ZFAND5: variants seen among roughly 807,000 people sequenced by gnomAD.
ZFAND5 encodes the protein zinc finger AN1-type containing 5.
In ZFAND5, 4 loss-of-function variants were observed where a neutral mutation model predicts 23.6. The observed-to-expected ratio is 0.17, with a 90% CI of 0.08 to 0.39. ZFAND5 has a LOEUF of 0.39. Ranked by LOEUF, ZFAND5 falls within the 10% of genes least tolerant of loss-of-function variation. ZFAND5 has a pLI of 1.00. For synonymous variants in ZFAND5, 68 were observed against 80.6 expected (o/e 0.84, Z 0.84); for missense variants, 161 against 253.7 (o/e 0.63, Z 2.48).
chr9:72,362,061 T>C (rs1483868838), intron 2 of ZFAND5, among the ~76,000 whole-genome samples: 4 of 152,218 alleles, frequency 2.6e-5, no homozygotes, highest in Non-Finnish European at 5.9e-5. Flanking sequence ...CCCCAAAACA[T>C]TTTATCTTCC....
chr9:72,357,733 G>T (rs1029932949), intron 5 of ZFAND5, among the ~76,000 whole-genome samples: 1 of 151,982 alleles, frequency 6.6e-6, no homozygotes, highest in African/African-American at 2.4e-5. Context: ...AACTATTAAG[G>T]ATTCCACAGG....
At chr9:72,361,252 A>C (rs1047487149) in intron 2 of ZFAND5, among the ~76,000 whole-genome samples, 9 of 152,238 alleles carry the variant, frequency 5.9e-5, no homozygotes, top group African/African-American at 1.9e-4. Context: ...ACACCTGTAC[A>C]TATCTGGGCT....
rs756861847 is a variant in ZFAND5, at chr9:72,360,098, G to A, written c.263+12C>T. The A allele has an allele frequency of 2.5e-6, 4 of 1,601,942 alleles. No homozygotes were observed. Among genetic ancestry groups the A allele is most frequent in the African/African-American group, 1.3e-5 (1 of 74,318 alleles). Reference sequence around the variant, plus strand: ...TGTAATATCATAAAAACTCTGAAACGTTCAATCTTACCTTGATTTTTCAGA... The same window carrying A: ...TGTAATATCATAAAAACTCTGAAACATTCAATCTTACCTTGATTTTTCAGA... On this transcript the variant is annotated intron_variant, in intron 4 of 6. Transcript: ENST00000376962.
rs1841917384 is a variant in ZFAND5, at chr9:72,355,442, G to GTC, written c.*510_*511insGA. On this transcript the variant is annotated 3_prime_UTR_variant, in exon 7 of 7. Transcript: ENST00000376962. Reference sequence around the variant, plus strand: ...CAAATACTGGTTTCACGGGAAAGAAGGTCTGATCCTCTTTATGAGCATTTC... The same window carrying GTC: ...CAAATACTGGTTTCACGGGAAAGAAGTCGTCTGATCCTCTTTATGAGCATTTC... The GTC allele has an allele frequency of 6.6e-6, 1 of 152,638 alleles. No homozygotes were observed. The highest frequency in any genetic ancestry group is 2.4e-5 in the African/African-American group (1 of 41,426). The allele number at this position is 152,638 out of a possible 1,614,324, so 9.5% of individuals were successfully genotyped here. A position where few individuals can be genotyped will look rare whatever the true frequency, so the allele number is the denominator to read the frequency against.
At position 72,359,599 on chromosome 9, in the gene ZFAND5, TTTAAA is replaced by T. The variant is rs954850906; in HGVS notation, c.264-83_264-79del. 12 of 1,310,306 alleles carry T rather than the reference TTTAAA, an allele frequency of 9.2e-6. No individual in the cohort carries two copies. The Admixed American group carries it at 2.1e-4, about 23-fold the overall frequency. The allele number at this position is 1,310,306 out of a possible 1,614,324, so 81.2% of individuals were successfully genotyped here. On this transcript the variant is annotated intron_variant, in intron 4 of 6. Transcript: ENST00000376962. ...ACAATGAATAAGTTGTCAGTTCAACTTTAAATTATAGAATATTTCCAAAATGAGCA... is the reference window on the plus strand; with the variant it reads ...ACAATGAATAAGTTGTCAGTTCAACTTTATAGAATATTTCCAAAATGAGCA...
At position 72,356,897 on chromosome 9, in the gene ZFAND5, A is replaced by C. The variant is rs370997510; in HGVS notation, c.493+34T>G. 34 of 1,609,658 alleles carry C rather than the reference A, an allele frequency of 2.1e-5. No homozygotes were observed. In the African/African-American group the frequency reaches 4.3e-4, roughly 20 times the overall value. On this transcript the variant is annotated intron_variant, in intron 6 of 6. Transcript: ENST00000376962. ...CCAAAAGCTCCTTGTTAACTGCAGA[A>C]GTAAAACATACATTGTCTTGTGTTT...
At chr9:72,356,775 C>T (rs990539579) in intron 6 of ZFAND5, among the ~76,000 whole-genome samples, 156 bp downstream of exon 6, 1 of 151,360 alleles carries the variant, frequency 6.6e-6, no homozygotes, top group African/African-American at 2.4e-5. Flanking sequence ...AACTTCTTTC[C>T]ACCCCAATAC....
In ZFAND5 at chr9:72,360,274, T is replaced by C. The variant is rs1024122806; in HGVS notation, c.152-53A>G. 7 of 1,433,100 alleles carry C rather than the reference T, an allele frequency of 4.9e-6. No individual in the cohort carries two copies. The African/African-American group carries it at 8.6e-5, about 18-fold the overall frequency. 88.8% of individuals were successfully genotyped at this position (1,433,100 alleles called of 1,614,324 possible). On this transcript the variant is annotated intron_variant, in intron 3 of 6. Coordinates refer to ENST00000376962, the MANE Select transcript of ZFAND5 (RefSeq NM_001102420.3). ...CCAATGAACACTACAAAAACTCACT[T>C]AGTATCAAGACGTAGTAATAAATAC...
In ZFAND5 at chr9:72,354,073, A is replaced by C. The variant is rs1841863181; in HGVS notation, c.*1880T>G. The C allele has an allele frequency of 6.6e-6, 1 of 152,132 alleles. No individual in the cohort carries two copies. The highest frequency in any genetic ancestry group is 2.4e-5 in the African/African-American group (1 of 41,398). The allele number at this position is 152,132 out of a possible 1,614,324, so 9.4% of individuals were successfully genotyped here. On this transcript the variant is annotated 3_prime_UTR_variant, in exon 7 of 7. Transcript: ENST00000376962. Reference sequence around the variant, plus strand: ...CTACAGAGACCAAGTCCATGGGTGAATCTCTGTATTAGAGCCAAACCCAAA... The same window carrying C: ...CTACAGAGACCAAGTCCATGGGTGACTCTCTGTATTAGAGCCAAACCCAAA...
chr9:72,364,570 CCGGACGCCGCCATCCGCGGCCT>C, intron 1 of ZFAND5, 104 bp downstream of exon 1: 1 of 1,259,364 alleles, frequency 7.9e-7, no homozygotes, highest in Non-Finnish European at 1.0e-6. Context: ...CTCCCCTCCC[CCGGACGCCGCCATCCGCGGCCT>C]GCTCCGGCTT....
In ZFAND5 at chr9:72,360,235, G is replaced by A; in HGVS notation, c.152-14C>T. On this transcript the variant is annotated splice_polypyrimidine_tract_variant and intron_variant, in intron 3 of 6. Transcript: ENST00000376962. ...CACTAGCTGTTCCTATTTAAAAAAAGGATTTGTAAGGAACCAATGAACACT... is the reference window on the plus strand; with the variant it reads ...CACTAGCTGTTCCTATTTAAAAAAAAGATTTGTAAGGAACCAATGAACACT... The A allele has an allele frequency of 6.3e-7, 1 of 1,598,690 alleles. No homozygotes were observed. The highest frequency in any genetic ancestry group is 8.5e-7 in the Non-Finnish European group (1 of 1,171,106).
At chr9:72,358,951 T>C (rs567050992) in intron 5 of ZFAND5, among the ~76,000 whole-genome samples, 39 of 142,230 alleles carry the variant, frequency 2.7e-4, no homozygotes, top group African/African-American at 9.4e-4. Flanking sequence ...AAAACCAAAA[T>C]GCCTTTCCAC....
intron 4 of ZFAND5, 58 bp from the exon 5 acceptor site, chr9:72,359,579 G>A (rs1173101258): frequency 6.9e-7 from 1 of 1,442,894 alleles, no homozygotes; most frequent in African/African-American, 1.4e-5. Flanking sequence ...TTGAGACAAT[G>A]AATAAGTTGT....
chr9:72,364,506 C>T, intron 1 of ZFAND5, 190 bp downstream of exon 1: 1 of 1,281,132 alleles, frequency 7.8e-7, no homozygotes. Flanking sequence ...AGGTCTCGGG[C>T]CACGACGACA....
At chr9:72,364,337 G>T in intron 1 of ZFAND5, 2 of 1,080,018 alleles carry the variant, frequency 1.9e-6, no homozygotes, top group Non-Finnish European at 2.3e-6. Flanking sequence ...CGGGCAGGGG[G>T]CGCGGCCGCC....
At chr9:72,360,459 A>T in intron 3 of ZFAND5, 169 bp downstream of exon 3, 1 of 932,708 alleles carries the variant, frequency 1.1e-6, no homozygotes, top group Non-Finnish European at 1.6e-6. Flanking sequence ...GCTTGTAGAT[A>T]GTCATTCATT....
At position 72,356,160 on chromosome 9, in the gene ZFAND5, G is replaced by T. The variant is rs118060322; in HGVS notation, c.494-59C>A. ...CTTGAGGCAATTAAAAGAAAAAAAA[G>T]CCTTAGTCACTATAGAAAAGGAACC... On this transcript the variant is annotated intron_variant, in intron 6 of 6. Transcript: ENST00000376962. The T allele has an allele frequency of 8.6e-3, 13,396 of 1,566,444 alleles. 65 individuals are homozygous for T. The highest frequency in any genetic ancestry group is 0.01 in the Non-Finnish European group (11,699 of 1,163,754).
At chr9:72,360,324 T>C (rs1218169006) in intron 3 of ZFAND5, 103 bp from the exon 4 acceptor site, 3 of 1,032,556 alleles carry the variant, frequency 2.9e-6, no homozygotes, top group African/African-American at 3.2e-5. Context: ...GTTAGTGATA[T>C]AAGCATTCAC....
intron 2 of ZFAND5, among the ~76,000 whole-genome samples, chr9:72,362,132 C>G (rs1348301180): frequency 6.6e-6 from 1 of 152,112 alleles, no homozygotes; most frequent in South Asian, 2.1e-4. Flanking sequence ...GTGGAGTGAC[C>G]AAGATCCACA....
Sources: gnomAD v4.1 joint callset for allele counts (sites outside exome capture counted in the v4.1 genomes callset) on GRCh38, gnomAD v4.1.1 for gene constraint, MANE v1.5 for transcripts, NCBI Gene and HGNC (gene_info 2026-07-23, HGNC 2026-07-21) for gene names.